Variants in RTTN observed in about 807,000 individuals in gnomAD.
RTTN encodes rotatin.
Under a neutral mutation model 269.2 loss-of-function variants are expected in RTTN, and 182 were observed. The observed-to-expected ratio is 0.68, with a 90% confidence interval of 0.60 to 0.76. RTTN has a LOEUF of 0.76. RTTN is among the 30% of genes least tolerant of loss of function. RTTN has a pLI of 0.00. For synonymous variants in RTTN, 1,006 were observed against 963.5 expected (o/e 1.04, Z -0.82); for missense variants, 2,545 against 2,608.6 (o/e 0.98, Z 0.53).
intron 21 of RTTN, chr18:70,138,740 A>G (rs1403519461): frequency 6.6e-6 from 1 of 152,140 alleles, no homozygotes; most frequent in East Asian, 1.9e-4. Context: ...ACTGCATCTT[A>G]CTCACTTGGC....
rs2058118034 is a variant in RTTN, at chr18:70,065,824, G to GT, written c.4747+4_4747+5insA. ...GAAGGTAGAATGTCTTCACTAAAAG[G>GT]ATACCTTGAGCCACAAACTGGTCAT... On this transcript the variant is annotated splice_donor_region_variant and intron_variant, in intron 35 of 48. Transcript: ENST00000640769. 2 of 1,568,188 alleles carry GT rather than the reference G, an allele frequency of 1.3e-6. No homozygotes were observed. Among genetic ancestry groups the GT allele is most frequent in the Non-Finnish European group, 1.7e-6 (2 of 1,155,018 alleles).
intron 26 of RTTN, 65 bp from the exon 27 acceptor site, chr18:70,114,664 G>A: frequency 6.8e-7 from 1 of 1,473,062 alleles, no homozygotes; most frequent in Non-Finnish European, 9.2e-7. Flanking sequence ...CCTATAAAGG[G>A]TTTGGTTGCT....
intron 5 of RTTN, among the ~76,000 whole-genome samples, chr18:70,198,642 T>C (rs1362487069): frequency 1.3e-5 from 2 of 152,176 alleles, no homozygotes; most frequent in Non-Finnish European, 2.9e-5. Context: ...ATATCAGCTA[T>C]TTACTCTTGT....
chr18:70,082,544 T>C (rs1033996513), intron 32 of RTTN, among the ~76,000 whole-genome samples: 2 of 152,198 alleles, frequency 1.3e-5, no homozygotes, highest in African/African-American at 4.8e-5. Context: ...AACCCAGTTA[T>C]GAAACCATCC....
chr18:70,033,509 G>C (rs2057079575), intron 40 of RTTN, among the ~76,000 whole-genome samples: 1 of 152,178 alleles, frequency 6.6e-6, no homozygotes, highest in South Asian at 2.1e-4. Context: ...GCAGAAATCA[G>C]TAAGTTCTTT....
At chr18:70,102,224 G>C (rs909823731) in intron 28 of RTTN, among the ~76,000 whole-genome samples, 2 of 152,108 alleles carry the variant, frequency 1.3e-5, no homozygotes, top group African/African-American at 2.4e-5. Context: ...TCTCTTTGTA[G>C]GTCTCTAAGG....
intron 11 of RTTN, among the ~76,000 whole-genome samples, chr18:70,172,486 C>T (rs2061168286): frequency 6.6e-6 from 1 of 152,102 alleles, no homozygotes; most frequent in South Asian, 2.1e-4. Context: ...AATGAAATAG[C>T]ATTTTTGTTT....
rs538313544 is a variant in RTTN, at chr18:70,121,422, C to A, written c.3528+134G>T. ...ATCAGGAAAGCCATGTTGTTATGAG[C>A]CATTCATTACATGAAGACTACTTTA... On this transcript the variant is annotated intron_variant, in intron 26 of 48. Coordinates refer to ENST00000640769, the MANE Select transcript of RTTN (RefSeq NM_173630.4). 4.7e-5 allele frequency: 31 copies of A among 659,058 alleles called. No individual in the cohort carries two copies. In the Admixed American group the frequency reaches 5.7e-4, roughly 12 times the overall value. The allele number at this position is 659,058 out of a possible 1,614,324, so 40.8% of individuals were successfully genotyped here.
At position 70,048,109 on chromosome 18, in the gene RTTN, G is replaced by C; in HGVS notation, c.5403C>G (p.Leu1801=). The C allele has an allele frequency of 6.2e-7, 1 of 1,614,114 alleles. No individual in the cohort carries two copies. Among genetic ancestry groups the C allele is most frequent in the Non-Finnish European group, 8.5e-7 (1 of 1,180,000 alleles). The change falls in exon 40 of 49, where the codon CTC becomes CTG. Residue 1801 remains leucine (L), a synonymous_variant. Coordinates refer to ENST00000640769, the MANE Select transcript of RTTN (RefSeq NM_173630.4). ...GATGCCCTTTTGCTTCTTCGGTCAA[G>C]AGAACAGAAAGGAATTGCAAGCTGG... The part of the protein sequence containing the change: ...YTASLQFLSV[L]LTEEAKGHLQ...
intron 28 of RTTN, among the ~76,000 whole-genome samples, chr18:70,101,155 T>G (rs549122672): frequency 1.3e-5 from 2 of 152,188 alleles, no homozygotes; most frequent in East Asian, 3.8e-4. Flanking sequence ...GGAATGGTAC[T>G]AGCTCCTCTT....
intron 21 of RTTN, among the ~76,000 whole-genome samples, 185 bp from the exon 22 acceptor site, chr18:70,135,465 AAC>A (rs2145679414): frequency 6.6e-6 from 1 of 152,284 alleles, no homozygotes; most frequent in Non-Finnish European, 1.5e-5. Flanking sequence ...GGCTGGTTAA[AAC>A]AGTTTCTGAT....
intron 28 of RTTN, among the ~76,000 whole-genome samples, chr18:70,097,571 G>A (rs115573530): frequency 0.018 from 2,742 of 152,214 alleles, 78 homozygotes; most frequent in African/African-American, 0.061. Context: ...TTTTCTGCTC[G>A]AGATGTTTTA....
intron 32 of RTTN, among the ~76,000 whole-genome samples, chr18:70,077,144 T>G (rs930460056): frequency 6.6e-6 from 1 of 151,908 alleles, no homozygotes; most frequent in Admixed American, 6.6e-5. Context: ...CAAAAGTGAT[T>G]AATCAAAGTT....
chr18:70,134,025 G>A (rs1368658829), intron 23 of RTTN, among the ~76,000 whole-genome samples: 1 of 152,062 alleles, frequency 6.6e-6, no homozygotes, highest in South Asian at 2.1e-4. Context: ...TTGTTAGATG[G>A]GATCATATTG....
At chr18:70,029,163 CAA>C (rs35814962) in intron 42 of RTTN, among the ~76,000 whole-genome samples, 532 of 112,726 alleles carry the variant, frequency 4.7e-3, no homozygotes, top group East Asian at 1.0e-2. Flanking sequence ...GGAAAAGAGG[CAA>C]AAAAAAAAAA....
Position 70,042,371 on chromosome 18 carries a change from T to TC in RTTN, c.5541+5599_5541+5600insG, listed in dbSNP as rs1249313927. Among the ~76,000 whole-genome samples, 410 of 126,916 alleles carry TC rather than the reference T, an allele frequency of 3.2e-3. 1 individual carries two copies. Among genetic ancestry groups the TC allele is most frequent in the Non-Finnish European group, 5.3e-3 (322 of 61,264 alleles). 83.3% of individuals were successfully genotyped at this position (126,916 alleles called of 152,430 possible). A position where few individuals can be genotyped will look rare whatever the true frequency, so the allele number is the denominator to read the frequency against. Reference sequence around the variant, plus strand: ...TCTAAGGGCTTTGGAATTTTCTTTTTTTTTTTTTTTTTTTTTTTTTTTGAG... The same window carrying TC: ...TCTAAGGGCTTTGGAATTTTCTTTTTCTTTTTTTTTTTTTTTTTTTTTTGAG... On this transcript the variant is annotated intron_variant, in intron 40 of 48. Transcript: ENST00000640769.
At chr18:70,194,507 A>G (rs760688039) in intron 7 of RTTN, 1 of 152,256 alleles carries the variant, frequency 6.6e-6, no homozygotes, top group Admixed American at 6.5e-5. Flanking sequence ...TTGCATGCCA[A>G]TGTTCACTGA....
chr18:70,041,391 C>CAT (rs2057335686), intron 40 of RTTN, among the ~76,000 whole-genome samples: 1 of 151,536 alleles, frequency 6.6e-6, no homozygotes, highest in East Asian at 1.9e-4. Flanking sequence ...CACACACACA[C>CAT]ACACACACAC....
intron 46 of RTTN, chr18:70,007,490 C>A (rs2056230775): frequency 6.6e-6 from 1 of 152,330 alleles, no homozygotes; most frequent in African/African-American, 2.4e-5. Context: ...TGGAGCCCAG[C>A]AAACTAAGAT....
Sources: gnomAD v4.1 joint callset for allele counts (sites outside exome capture counted in the v4.1 genomes callset) on GRCh38, gnomAD v4.1.1 for gene constraint, MANE v1.5 for transcripts, NCBI Gene and HGNC (gene_info 2026-07-23, HGNC 2026-07-21) for gene names.